RABGEF1: variants seen among roughly 807,000 people sequenced by gnomAD.
The protein encoded by RABGEF1 is RAB guanine nucleotide exchange factor 1.
RABGEF1 carries 26 observed loss-of-function variants against 57.3 expected under a neutral mutation model. The ratio of observed to expected loss-of-function variants is 0.45; its 90% CI spans 0.33 to 0.63. The LOEUF is 0.63. RABGEF1 is among the 20% of genes least tolerant of loss of function. The pLI is 0.02. For missense variants in RABGEF1, 464 were observed against 607.6 expected (o/e 0.76, Z 2.48); for synonymous variants, 185 against 210.7 (o/e 0.88, Z 1.06).
At chr7:66,689,331 A>AG (rs1791178788) in intron 1 of RABGEF1, among the ~76,000 whole-genome samples, 1 of 152,112 alleles carries the variant, frequency 6.6e-6, no homozygotes, top group African/African-American at 2.4e-5. Flanking sequence ...AAAAAAGAAA[A>AG]CTCAAATAGC....
chr7:66,755,093 G>A (rs1364160149), intron 1 of RABGEF1, among the ~76,000 whole-genome samples: 4 of 152,156 alleles, frequency 2.6e-5, no homozygotes, highest in Non-Finnish European at 4.4e-5. Flanking sequence ...AGGATATTGA[G>A]ACCATCCTGG....
At chr7:66,797,035 C>T (rs1786111579) in intron 5 of RABGEF1, 1 of 371,490 alleles carries the variant, frequency 2.7e-6, no homozygotes, top group Non-Finnish European at 5.1e-6. Flanking sequence ...CATTCTGGCT[C>T]ACACCTATAA....
chr7:66,720,877 A>G (rs1795970878), intron 2 of RABGEF1, among the ~76,000 whole-genome samples: 1 of 152,158 alleles, frequency 6.6e-6, no homozygotes, highest in Admixed American at 6.5e-5. Context: ...ATGCTAGCTC[A>G]AACAATGGGA....
chr7:66,676,132 C>T, the RABGEF1 span, among the ~76,000 whole-genome samples: 4 of 152,154 alleles, frequency 2.6e-5, no homozygotes, highest in East Asian at 3.9e-4. Flanking sequence ...CCAGCCTGGC[C>T]AACATGGCAA....
At chr7:66,700,288 C>G (rs907583390) in intron 1 of RABGEF1, among the ~76,000 whole-genome samples, 3 of 152,256 alleles carry the variant, frequency 2.0e-5, no homozygotes, top group Non-Finnish European at 4.4e-5. Flanking sequence ...GCTCTCTGCT[C>G]AGTCCTTAAA....
intron 1 of RABGEF1, among the ~76,000 whole-genome samples, chr7:66,698,757 G>C (rs560265694): frequency 1.3e-5 from 2 of 152,264 alleles, no homozygotes; most frequent in South Asian, 4.1e-4. Context: ...AGTGTGGGTG[G>C]GTCTGACTCT....
At position 66,773,722 on chromosome 7, in the gene RABGEF1, A is replaced by G. The variant is rs763751150; in HGVS notation, c.180-1505A>G. On this transcript the variant is annotated intron_variant, in intron 2 of 8. Coordinates refer to ENST00000284957, the MANE Select transcript of RABGEF1 (RefSeq NM_014504.3). ...GCTCTGTTACCCTGGCTGGAGTGCAATGGTGCAATTTCAACTTACTGCAAC... is the reference window on the plus strand; with the variant it reads ...GCTCTGTTACCCTGGCTGGAGTGCAGTGGTGCAATTTCAACTTACTGCAAC... 64 of 453,790 alleles carry G rather than the reference A, an allele frequency of 1.4e-4. 1 individual carries two copies. The highest frequency in any genetic ancestry group is 8.5e-4 in the South Asian group (55 of 64,408). The allele number at this position is 453,790 out of a possible 1,614,324, so 28.1% of individuals were successfully genotyped here.
chr7:66,785,062 A>T (rs185934828), intron 4 of RABGEF1, among the ~76,000 whole-genome samples: 158 of 152,320 alleles, frequency 1.0e-3, no homozygotes, highest in Middle Eastern at 3.4e-3. Context: ...ATGCTGTATA[A>T]TATGTTTTAG....
At chr7:66,718,378 C>T (rs754590266) in intron 2 of RABGEF1, among the ~76,000 whole-genome samples, 1 of 152,018 alleles carries the variant, frequency 6.6e-6, no homozygotes, top group African/African-American at 2.4e-5. Context: ...TAAATAGCTG[C>T]TTTAAAATCC....
chr7:66,790,133 A>G (rs1436232705), intron 4 of RABGEF1, among the ~76,000 whole-genome samples: 1 of 152,244 alleles, frequency 6.6e-6, no homozygotes, highest in Non-Finnish European at 1.5e-5. Flanking sequence ...GGCTTCTGCA[A>G]GGACTCGTTA....
chr7:66,724,895 T>C (rs1387920289), intron 2 of RABGEF1, among the ~76,000 whole-genome samples: 1 of 152,228 alleles, frequency 6.6e-6, no homozygotes, highest in African/African-American at 2.4e-5. Flanking sequence ...TTCAGGTTCA[T>C]TGATCTTGTC....
intron 1 of RABGEF1, among the ~76,000 whole-genome samples, chr7:66,692,608 G>A (rs909415133): frequency 1.3e-5 from 2 of 152,114 alleles, no homozygotes; most frequent in Non-Finnish European, 1.5e-5. Flanking sequence ...CTGAGATCTG[G>A]GGCCGAGCAG....
At chr7:66,761,384 C>T (rs942010317) in intron 1 of RABGEF1, among the ~76,000 whole-genome samples, 10 of 152,148 alleles carry the variant, frequency 6.6e-5, no homozygotes, top group African/African-American at 2.4e-4. Context: ...AATTAATTTG[C>T]TGAGGTGGTT....
chr7:66,688,496 A>T (rs527505603), intron 1 of RABGEF1, among the ~76,000 whole-genome samples: 1 of 152,300 alleles, frequency 6.6e-6, no homozygotes, highest in Non-Finnish European at 1.5e-5. Flanking sequence ...TGTCCAGAGT[A>T]TATAGTGTAT....
At chr7:66,761,926 C>T (rs1291107322) in intron 1 of RABGEF1, among the ~76,000 whole-genome samples, 1 of 152,018 alleles carries the variant, frequency 6.6e-6, no homozygotes, top group African/African-American at 2.4e-5. Context: ...TGGCAGGCAC[C>T]TATAGTACCA....
intron 2 of RABGEF1, among the ~76,000 whole-genome samples, chr7:66,727,752 G>C (rs73137978): frequency 0.075 from 11,348 of 152,284 alleles, 500 homozygotes; most frequent in East Asian, 0.1. Flanking sequence ...TGAGTGGCAG[G>C]CTGCCCGTGG....
intron 7 of RABGEF1, among the ~76,000 whole-genome samples, chr7:66,800,949 C>T (rs768173379): frequency 3.3e-5 from 5 of 152,158 alleles, no homozygotes; most frequent in Non-Finnish European, 7.4e-5. Flanking sequence ...GAGAGGCTGC[C>T]CGTTAAGTTA....
intron 1 of RABGEF1, among the ~76,000 whole-genome samples, chr7:66,689,742 C>T (rs1312610569): frequency 6.6e-6 from 1 of 150,388 alleles, no homozygotes; most frequent in Non-Finnish European, 1.5e-5. Context: ...GCGGAGGTTG[C>T]AGTGAACCGA....
the RABGEF1 span, among the ~76,000 whole-genome samples, chr7:66,676,287 AAT>A: frequency 1.1e-4 from 16 of 150,914 alleles, no homozygotes; most frequent in African/African-American, 3.9e-4. Context: ...CGTTTCAAAA[AAT>A]ATATATATAT....
Sources: allele counts gnomAD v4.1 joint callset (sites outside exome capture counted in the v4.1 genomes callset), GRCh38; gene constraint gnomAD v4.1.1; transcripts MANE v1.5; gene names NCBI Gene and HGNC (gene_info 2026-07-23, HGNC 2026-07-21).